The following CUBN variants were observed in gnomAD, a reference collection of about 807,000 sequenced individuals.
CUBN encodes 460 kDa receptor.
CUBN carries 282 observed loss-of-function variants against 405.3 expected under a neutral mutation model. The ratio of observed to expected loss-of-function variants is 0.70; its 90% CI spans 0.63 to 0.77. CUBN has a LOEUF of 0.77. Ranked by LOEUF, CUBN falls within the 30% of genes least tolerant of loss-of-function variation. The pLI is 0.00. For missense variants in CUBN, 4,514 were observed against 4,475.2 expected (o/e 1.01, Z -0.25); for synonymous variants, 1,684 against 1,617.0 (o/e 1.04, Z -0.99).
chr10:16,895,461 G>T (rs1339842240), intron 54 of CUBN, among the ~76,000 whole-genome samples: 2 of 152,008 alleles, frequency 1.3e-5, no homozygotes, highest in African/African-American at 4.8e-5. Context: ...CTGTCTAGTT[G>T]TTCTATCAAT....
At chr10:16,972,442 A>AG (rs1832962009) in intron 31 of CUBN, among the ~76,000 whole-genome samples, 1 of 86,814 alleles carries the variant, frequency 1.2e-5, no homozygotes, top group Non-Finnish European at 2.5e-5. Context: ...CATCATTCAC[A>AG]ATTTTTTTTT....
chr10:16,990,312 A>T (rs748774816), intron 29 of CUBN, 22 bp downstream of exon 29: 3 of 1,613,424 alleles, frequency 1.9e-6, no homozygotes, highest in Admixed American at 3.3e-5. Flanking sequence ...GAATGTGCTG[A>T]AAAAACCATC....
At chr10:16,986,608 C>G (rs1833433186) in intron 29 of CUBN, among the ~76,000 whole-genome samples, 1 of 152,160 alleles carries the variant, frequency 6.6e-6, no homozygotes, top group African/African-American at 2.4e-5. Flanking sequence ...GATGTTTGTG[C>G]ACTCCCCCCA....
intron 27 of CUBN, among the ~76,000 whole-genome samples, chr10:17,038,732 C>T (rs1474369855): frequency 6.6e-6 from 1 of 152,214 alleles, no homozygotes; most frequent in Non-Finnish European, 1.5e-5. Flanking sequence ...AAATTTCCAT[C>T]ATAGACCAGC....
chr10:16,938,865 A>C, intron 38 of CUBN, 98 bp downstream of exon 38: 1 of 1,088,004 alleles, frequency 9.2e-7, no homozygotes, highest in East Asian at 2.4e-5. Flanking sequence ...ACTATCCCAC[A>C]TGATTTGCAA....
chr10:17,024,167 A>G (rs1386203373), intron 27 of CUBN, among the ~76,000 whole-genome samples: 3 of 152,200 alleles, frequency 2.0e-5, no homozygotes, highest in Non-Finnish European at 4.4e-5. Context: ...TGGACTTCTA[A>G]ATAGGAAGGA....
At position 17,046,109 on chromosome 10, in the gene CUBN, A is replaced by G; in HGVS notation, c.3330-15T>C. Reference sequence around the variant, plus strand: ...AGCCTCCATCTCTGGCAGAATACAGAAATTAAAATTTATTGGGTTACTGAC... The same window carrying G: ...AGCCTCCATCTCTGGCAGAATACAGGAATTAAAATTTATTGGGTTACTGAC... On this transcript the variant is annotated splice_polypyrimidine_tract_variant and intron_variant, in intron 23 of 66. Coordinates refer to ENST00000377833, the MANE Select transcript of CUBN (RefSeq NM_001081.4). The G allele has an allele frequency of 6.2e-7, 1 of 1,610,826 alleles. No homozygotes were observed. The highest frequency in any genetic ancestry group is 1.1e-5 in the South Asian group (1 of 91,036).
At chr10:16,901,945 GTATATA>G (rs769364445) in intron 51 of CUBN, among the ~76,000 whole-genome samples, 1 of 99,236 alleles carries the variant, frequency 1.0e-5, no homozygotes, top group Non-Finnish European at 2.0e-5. Flanking sequence ...ACCATATATA[GTATATA>G]TATATATACA....
chr10:17,084,453 G>A lies in CUBN; in HGVS notation c.2119C>T (p.Arg707Cys), dbSNP rs749559597. Residue 707 changes from arginine to cysteine, a missense_variant, in exon 17 of 67, where the codon CGT (arginine) becomes TGT (cysteine). Arg to Cys is a radical substitution (Grantham distance 180). Around this residue, in one of 5 missense-constraint regions of CUBN, gnomAD observed 1,448 missense variants for 1,388.0 expected, o/e 1.04. Coordinates refer to ENST00000377833, the MANE Select transcript of CUBN (RefSeq NM_001081.4). The part of the protein sequence containing the change: ...ITYLTSPSDL[R>C]CGGNYTDPEG... Reference sequence around the variant, plus strand: ...GGGTCCGTGTAGTTCCCACCACAACGCAGATCCGCTAAGAACAGGGAAGAG... The same window carrying A: ...GGGTCCGTGTAGTTCCCACCACAACACAGATCCGCTAAGAACAGGGAAGAG... 16 of 1,613,062 alleles carry A rather than the reference G, an allele frequency of 9.9e-6. No individual in the cohort carries two copies. Among genetic ancestry groups the A allele is most frequent in the East Asian group, 4.5e-5 (2 of 44,846 alleles).
At chr10:16,925,458 T>C (rs1172412488) in intron 42 of CUBN, 34 bp from the exon 43 acceptor site, 1 of 1,608,500 alleles carries the variant, frequency 6.2e-7, no homozygotes, top group South Asian at 1.1e-5. Context: ...ATCAACTCCT[T>C]TACATTGCAA....
Position 16,982,737 on chromosome 10 carries a change from C to T in CUBN, c.4526-84G>A, listed in dbSNP as rs1588548687. On this transcript the variant is annotated intron_variant, in intron 30 of 66. Coordinates refer to ENST00000377833, the MANE Select transcript of CUBN (RefSeq NM_001081.4). Reference sequence around the variant, plus strand: ...CATTACCTGGTTGTATAGATCAATACATTACTTTGCTTGAATCAGTTAGTC... The same window carrying T: ...CATTACCTGGTTGTATAGATCAATATATTACTTTGCTTGAATCAGTTAGTC... 4 of 1,235,192 alleles carry T rather than the reference C, an allele frequency of 3.2e-6. No individual in the cohort carries two copies. The East Asian group carries it at 7.5e-5, about 23-fold the overall frequency. The allele number at this position is 1,235,192 out of a possible 1,614,324, so 76.5% of individuals were successfully genotyped here.
chr10:17,100,124 C>T lies in CUBN; in HGVS notation c.1646G>A (p.Cys549Tyr). The T allele has an allele frequency of 6.2e-7, 1 of 1,613,780 alleles. No individual in the cohort carries two copies. Among genetic ancestry groups the T allele is most frequent in the Non-Finnish European group, 8.5e-7 (1 of 1,179,762 alleles). Residue 549 changes from cysteine to tyrosine, a missense_variant, in exon 14 of 67, where the codon TGT becomes TAT. Cys to Tyr is a radical substitution (Grantham distance 194). Coordinates refer to ENST00000377833, the MANE Select transcript of CUBN (RefSeq NM_001081.4). ...GAGTTCATGAGGGAGGCTGGAGCCA[C>T]AAAATCTTCCAAGTTGAAAAGCAGA... Reference protein sequence around the residue: ...SSSAFQLGRFCGSSLPHELLS... With the variant: ...SSSAFQLGRFYGSSLPHELLS...
intron 59 of CUBN, among the ~76,000 whole-genome samples, chr10:16,863,697 A>G (rs1308010944): frequency 1.3e-5 from 2 of 152,204 alleles, no homozygotes; most frequent in African/African-American, 4.8e-5. Context: ...TCTGAATTGG[A>G]CATGTTAGAT....
At chr10:16,929,277 C>G (rs562682513) in intron 40 of CUBN, among the ~76,000 whole-genome samples, 4 of 152,212 alleles carry the variant, frequency 2.6e-5, no homozygotes, top group Non-Finnish European at 4.4e-5. Flanking sequence ...CTCCTTTCAT[C>G]TTGATTATCT....
At chr10:16,872,619 A>G (rs186725881) in intron 58 of CUBN, among the ~76,000 whole-genome samples, 1 of 152,288 alleles carries the variant, frequency 6.6e-6, no homozygotes, top group Admixed American at 6.5e-5. Flanking sequence ...ACAGGAGCTC[A>G]CCAGACAACG....
chr10:16,870,240 C>G (rs1037612009), intron 58 of CUBN, among the ~76,000 whole-genome samples: 1 of 152,210 alleles, frequency 6.6e-6, no homozygotes, highest in South Asian at 2.1e-4. Context: ...ACCATATTTA[C>G]TCTTCCCTTG....
At chr10:16,970,576 CAA>C (rs1213142589) in intron 31 of CUBN, among the ~76,000 whole-genome samples, 4 of 121,618 alleles carry the variant, frequency 3.3e-5, no homozygotes, top group African/African-American at 6.3e-5. Context: ...AACTCCATCT[CAA>C]AAAAAAAAAA....
rs183778137 is a variant in CUBN at position 16,996,137 on chromosome 10, C to T, written c.4169-5622G>A. On this transcript the variant is annotated intron_variant, in intron 28 of 66. Transcript: ENST00000377833. ...CCCTCATTACTGTCCTGTCCCTCCA[C>T]TGAAGACAATCACCATAGCAACCTG... 2.9e-3 allele frequency among the ~76,000 whole-genome samples: 447 copies of T among 152,230 alleles called. 10 individuals carry two copies. The highest frequency in any genetic ancestry group is 5.3e-4 in the Non-Finnish European group (36 of 68,016).
intron 31 of CUBN, among the ~76,000 whole-genome samples, chr10:16,980,962 G>A (rs1418753165): frequency 6.6e-6 from 1 of 152,050 alleles, no homozygotes; most frequent in Non-Finnish European, 1.5e-5. Context: ...TTAGTTTCAG[G>A]TAGGAATGCA....
Sources: gnomAD v4.1 joint callset for allele counts (sites outside exome capture counted in the v4.1 genomes callset) on GRCh38, gnomAD v4.1.1 for gene constraint, gnomAD v4.1.1 regional missense constraint, MANE v1.5 for transcripts, NCBI Gene and HGNC (gene_info 2026-07-23, HGNC 2026-07-21) for gene names.